KIAA1217: variants seen among roughly 807,000 people sequenced by gnomAD.
KIAA1217 encodes the protein KIAA1217, also known as sickle tail protein homolog.
A neutral mutation model predicts 163.9 loss-of-function variants in KIAA1217; 88 were observed. That is an observed-to-expected ratio of 0.54 (90% CI 0.45 to 0.64). The LOEUF is 0.64. Ranked by LOEUF, KIAA1217 falls within the 30% of genes least tolerant of loss-of-function variation. The pLI is 0.00. For synonymous variants in KIAA1217, 903 were observed against 923.1 expected (o/e 0.98, Z 0.39); for missense variants, 2,372 against 2,475.0 (o/e 0.96, Z 0.88).
At chr10:24,441,476 T>C (rs985148177) in intron 5 of KIAA1217, among the ~76,000 whole-genome samples, 5 of 152,068 alleles carry the variant, frequency 3.3e-5, no homozygotes, top group Non-Finnish European at 7.4e-5. Flanking sequence ...CCAGAGCGGT[T>C]TTATGATTGG....
rs2069528289 is a variant in KIAA1217, at chr10:24,513,504, G to T, written c.2177+70G>T. On this transcript the variant is annotated intron_variant, in intron 10 of 20. Coordinates refer to ENST00000376454, the MANE Select transcript of KIAA1217 (RefSeq NM_019590.5). ...GAAAATTATCATTACTAAGAAGGAG[G>T]TCCTTCCCAGTTGGTGGTCTTGCCC... is the stretch of plus-strand genomic sequence containing the variant. The T allele has an allele frequency of 9.5e-6, 14 of 1,475,078 alleles. No homozygotes were observed. In the South Asian group the frequency reaches 1.5e-4, roughly 16 times the overall value. The allele number at this position is 1,475,078 out of a possible 1,614,324, so 91.4% of individuals were successfully genotyped here. A position where few individuals can be genotyped will look rare whatever the true frequency, so the allele number is the denominator to read the frequency against.
At chr10:23,917,255 G>A (rs1359787386) in intron 1 of KIAA1217, among the ~76,000 whole-genome samples, 2 of 152,252 alleles carry the variant, frequency 1.3e-5, no homozygotes, top group African/African-American at 2.4e-5. Flanking sequence ...TCCATATTCA[G>A]AATGGAAGTC....
chr10:24,171,324 A>G (rs1351132971), intron 2 of KIAA1217, among the ~76,000 whole-genome samples: 2 of 152,208 alleles, frequency 1.3e-5, no homozygotes, highest in Non-Finnish European at 2.9e-5. Flanking sequence ...TCTCATAAAT[A>G]GGGAATATAG....
chr10:24,235,222 A>G (rs1432855325), intron 2 of KIAA1217, among the ~76,000 whole-genome samples: 1 of 152,200 alleles, frequency 6.6e-6, no homozygotes, highest in Admixed American at 6.5e-5. Flanking sequence ...TTACAGCAAC[A>G]TCTACACTGG....
At chr10:23,712,771 A>G (rs1425762760) in intron 1 of KIAA1217, among the ~76,000 whole-genome samples, 1 of 152,152 alleles carries the variant, frequency 6.6e-6, no homozygotes, top group Non-Finnish European at 1.5e-5. Context: ...TGTCACTGTT[A>G]TCTAATTACT....
intron 1 of KIAA1217, among the ~76,000 whole-genome samples, chr10:23,758,845 C>T (rs905861722): frequency 6.6e-6 from 1 of 151,636 alleles, no homozygotes; most frequent in Non-Finnish European, 1.5e-5. Context: ...TGCTACCACA[C>T]CTGGCTAATT....
chr10:24,177,258 C>CAAATATATAT (rs2065938749), intron 2 of KIAA1217, among the ~76,000 whole-genome samples: 1 of 25,146 alleles, frequency 4.0e-5, no homozygotes, highest in African/African-American at 1.8e-4. Flanking sequence ...CTCTCACCAT[C>CAAATATATAT]ATATATATAT....
At position 24,524,546 on chromosome 10, in the gene KIAA1217, A is replaced by G; in HGVS notation, c.2680A>G (p.Ile894Val). ...CCACGCGCAGAGCTCCCCTGTGGTC[A>G]TCCAGCCCTCCCAGCACTCCGTGGC... Reference protein sequence around the residue: ...VRHAQSSPVVIQPSQHSVALL... With the variant: ...VRHAQSSPVVVQPSQHSVALL... Residue 894 changes from isoleucine to valine, a missense_variant, in exon 13 of 21, where the codon ATC becomes GTC. Around this residue, in one of 3 missense-constraint regions of KIAA1217, gnomAD observed 1,431 missense variants for 1,470.3 expected, o/e 0.97. Coordinates refer to ENST00000376454, the MANE Select transcript of KIAA1217 (RefSeq NM_019590.5). 6.2e-7 allele frequency: 1 copy of G among 1,614,008 alleles called. No individual in the cohort carries two copies. Among genetic ancestry groups the G allele is most frequent in the Non-Finnish European group, 8.5e-7 (1 of 1,179,960 alleles).
intron 2 of KIAA1217, among the ~76,000 whole-genome samples, chr10:24,316,930 G>A (rs2043454270): frequency 6.6e-6 from 1 of 152,186 alleles, no homozygotes; most frequent in African/African-American, 2.4e-5. Context: ...AGGATACTGA[G>A]AGACGCTCAG....
At chr10:24,019,977 T>C (rs940604917) in intron 2 of KIAA1217, among the ~76,000 whole-genome samples, 1 of 152,038 alleles carries the variant, frequency 6.6e-6, no homozygotes, top group African/African-American at 2.4e-5. Context: ...CACATCAAGA[T>C]ACATTACTGT....
At chr10:24,007,706 C>A (rs116638920) in intron 2 of KIAA1217, among the ~76,000 whole-genome samples, 1 of 152,044 alleles carries the variant, frequency 6.6e-6, no homozygotes, top group Non-Finnish European at 1.5e-5. Flanking sequence ...CTAAAGAATA[C>A]GAAAATGCTC....
intron 1 of KIAA1217, among the ~76,000 whole-genome samples, chr10:23,754,412 A>C (rs1833817677): frequency 6.6e-6 from 1 of 152,212 alleles, no homozygotes; most frequent in Admixed American, 6.5e-5. Flanking sequence ...CTTCAGACTG[A>C]AGCTTTGCTA....
intron 1 of KIAA1217, among the ~76,000 whole-genome samples, chr10:23,899,971 TCTTC>T (rs1378922934): frequency 6.6e-6 from 1 of 151,556 alleles, no homozygotes; most frequent in Non-Finnish European, 1.5e-5. Context: ...TCCCTCTGTC[TCTTC>T]CTTCCTCTCT....
intron 2 of KIAA1217, among the ~76,000 whole-genome samples, chr10:24,378,521 A>C (rs771746766): frequency 6.6e-6 from 1 of 152,108 alleles, no homozygotes; most frequent in Non-Finnish European, 1.5e-5. Context: ...TCTATTGCAT[A>C]TATATTATCT....
intron 1 of KIAA1217, among the ~76,000 whole-genome samples, chr10:23,720,330 C>A (rs1023440382): frequency 1.3e-5 from 2 of 151,952 alleles, no homozygotes; most frequent in South Asian, 2.1e-4. Flanking sequence ...ATGTGTGTCA[C>A]TTGATAAAAT....
intron 4 of KIAA1217, among the ~76,000 whole-genome samples, chr10:24,436,140 C>T (rs761962266): frequency 6.6e-5 from 10 of 151,986 alleles, no homozygotes; most frequent in Non-Finnish European, 1.0e-4. Flanking sequence ...GGATTATAAG[C>T]GTGACCCACT....
intron 2 of KIAA1217, among the ~76,000 whole-genome samples, chr10:24,272,386 T>C (rs1480875660): frequency 6.6e-6 from 1 of 152,208 alleles, no homozygotes; most frequent in Non-Finnish European, 1.5e-5. Flanking sequence ...GGAAAAAATA[T>C]TCAAGTTGCA....
chr10:24,489,664 C>A (rs1392710767), intron 6 of KIAA1217, among the ~76,000 whole-genome samples: 1 of 151,808 alleles, frequency 6.6e-6, no homozygotes, highest in Admixed American at 6.6e-5. Flanking sequence ...GAGATCAAGA[C>A]CAGCCTGGGC....
chr10:24,220,476 A>C (rs1167114319), intron 2 of KIAA1217, among the ~76,000 whole-genome samples: 2 of 81,468 alleles, frequency 2.5e-5, no homozygotes, highest in South Asian at 3.9e-4. Context: ...TTTTTTTGAG[A>C]TGGAGTCTTG....
Sources: allele counts gnomAD v4.1 joint callset (sites outside exome capture counted in the v4.1 genomes callset), GRCh38; gene constraint gnomAD v4.1.1; regional missense constraint gnomAD v4.1.1; transcripts MANE v1.5; gene names NCBI Gene and HGNC (gene_info 2026-07-23, HGNC 2026-07-21).